Variants in GMDS observed in about 807,000 individuals in gnomAD.
GMDS encodes the protein GDP-mannose 4,6 dehydratase.
GMDS carries 20 observed loss-of-function variants against 49.9 expected under a neutral mutation model. The observed-to-expected ratio is 0.40, with a 90% confidence interval of 0.28 to 0.58. The LOEUF (loss-of-function observed/expected upper bound fraction) is 0.58. Ranked by LOEUF, GMDS falls within the 20% of genes least tolerant of loss-of-function variation. GMDS has a pLI of 0.42. For synonymous variants in GMDS, 177 were observed against 178.6 expected, an observed-to-expected ratio of 0.99 and a Z score of 0.07; for missense variants, 362 against 481.4, an observed-to-expected ratio of 0.75 and a Z score of 2.32.
intron 7 of GMDS, among the ~76,000 whole-genome samples, chr6:1,835,005 T>G (rs1442758214): frequency 6.6e-6 from 1 of 152,240 alleles, no homozygotes; most frequent in Non-Finnish European, 1.5e-5. Context: ...ACATGATAGA[T>G]TTACCACAGT....
At chr6:1,861,546 G>A (rs1758181591) in intron 7 of GMDS, among the ~76,000 whole-genome samples, 1 of 151,436 alleles carries the variant, frequency 6.6e-6, no homozygotes, top group Admixed American at 6.6e-5. Context: ...TAACCAGGCT[G>A]AGCAGATTCC....
intron 6 of GMDS, among the ~76,000 whole-genome samples, chr6:1,942,731 C>T (rs1762878024): frequency 6.6e-6 from 1 of 152,236 alleles, no homozygotes; most frequent in Non-Finnish European, 1.5e-5. Context: ...CTGGTTCCAG[C>T]TGTCCCTGAA....
At chr6:1,966,386 A>AC (rs398000171) in intron 4 of GMDS, among the ~76,000 whole-genome samples, 1 of 151,018 alleles carries the variant, frequency 6.6e-6, no homozygotes, top group Admixed American at 6.6e-5. Context: ...AAAAAAAAAA[A>AC]CCAAGCCTAC....
chr6:2,224,965 T>C (rs1780752267), intron 1 of GMDS, among the ~76,000 whole-genome samples: 1 of 152,072 alleles, frequency 6.6e-6, no homozygotes. Context: ...AACTGAGAAC[T>C]GGCAGAGAGG....
intron 4 of GMDS, among the ~76,000 whole-genome samples, chr6:2,009,671 C>T (rs1767424836): frequency 6.6e-6 from 1 of 152,052 alleles, no homozygotes; most frequent in African/African-American, 2.4e-5. Flanking sequence ...GAACCCAAAA[C>T]ATCAGGAACA....
chr6:2,196,787 T>C (rs923082956), intron 1 of GMDS, among the ~76,000 whole-genome samples: 1 of 152,100 alleles, frequency 6.6e-6, no homozygotes, highest in Non-Finnish European at 1.5e-5. Flanking sequence ...CCAATCTTTG[T>C]GACTCTGACT....
At chr6:2,135,555 C>CTTTTTTTTTTTTTTTTTTTT in intron 1 of GMDS, among the ~76,000 whole-genome samples, 1 of 152,026 alleles carries the variant, frequency 6.6e-6, no homozygotes, top group Non-Finnish European at 1.5e-5. Context: ...ATTTGAGTTT[C>CTTTTTTTTTTTTTTTTTTTT]TATAATCTAG....
chr6:2,169,095 C>T (rs1777813036), intron 1 of GMDS, among the ~76,000 whole-genome samples: 1 of 152,102 alleles, frequency 6.6e-6, no homozygotes, highest in Non-Finnish European at 1.5e-5. Flanking sequence ...GGAAAAAAAA[C>T]TAAAATTCTC....
intron 7 of GMDS, among the ~76,000 whole-genome samples, chr6:1,790,357 C>T (rs1351648903): frequency 1.3e-5 from 2 of 152,158 alleles, no homozygotes; most frequent in East Asian, 1.9e-4. Context: ...TTACCACAGC[C>T]CAGTAGGGCA....
intron 1 of GMDS, among the ~76,000 whole-genome samples, chr6:2,200,846 G>A (rs1779489969): frequency 6.9e-6 from 1 of 145,190 alleles, no homozygotes; most frequent in Non-Finnish European, 1.5e-5. Context: ...AGGCAGTGAG[G>A]GCAGCATGTT....
rs1756783698 is a variant in GMDS, at chr6:1,833,636, A to G, written c.772-91050T>C. 6.6e-6 allele frequency among the ~76,000 whole-genome samples: 1 copy of G among 152,202 alleles called. No homozygotes were observed. The highest frequency in any genetic ancestry group is 1.5e-5 in the Non-Finnish European group (1 of 68,038). The stretch of plus-strand genomic sequence containing the variant: ...CATGACAAGTCTTTGTGCAGAAAAC[A>G]AAACTTCACACCCCACACATATTTT... On this transcript the variant is annotated intron_variant, in intron 7 of 10. Coordinates refer to ENST00000380815, the MANE Select transcript of GMDS (RefSeq NM_001500.4). This position sits in a 1 kb window ranked among gnomAD's most constrained non-coding sequence, Gnocchi z 4.4.
intron 4 of GMDS, among the ~76,000 whole-genome samples, chr6:2,004,523 A>G (rs1767034820): frequency 6.6e-6 from 1 of 152,208 alleles, no homozygotes; most frequent in African/African-American, 2.4e-5. Flanking sequence ...TCCAGATGAT[A>G]CCAGATATTA....
intron 4 of GMDS, among the ~76,000 whole-genome samples, chr6:2,010,269 G>A (rs1767473991): frequency 6.6e-6 from 1 of 151,252 alleles, no homozygotes; most frequent in South Asian, 2.1e-4. Context: ...AGAGGTTGCA[G>A]GGAGCCGAGA....
intron 1 of GMDS, among the ~76,000 whole-genome samples, chr6:2,232,118 G>A (rs1222835970): frequency 6.6e-6 from 1 of 150,968 alleles, no homozygotes; most frequent in Non-Finnish European, 1.5e-5. Context: ...TCTTTATTCT[G>A]GGAGCATGTT....
chr6:1,669,640 C>A (rs1246216298), intron 9 of GMDS, among the ~76,000 whole-genome samples: 2 of 152,126 alleles, frequency 1.3e-5, no homozygotes, highest in African/African-American at 4.8e-5. Flanking sequence ...CAGCTGGGTA[C>A]AGTGGCTCAT....
intron 7 of GMDS, among the ~76,000 whole-genome samples, chr6:1,928,013 A>C (rs1042860296): frequency 6.6e-6 from 1 of 152,204 alleles, no homozygotes; most frequent in African/African-American, 2.4e-5. Flanking sequence ...CAAAATAATA[A>C]AATTGAATGA....
intron 9 of GMDS, among the ~76,000 whole-genome samples, chr6:1,711,891 C>A (rs1765979342): frequency 6.6e-6 from 1 of 152,194 alleles, no homozygotes; most frequent in African/African-American, 2.4e-5. Flanking sequence ...CGAGCACCAG[C>A]CAAACGGTGG....
intron 9 of GMDS, among the ~76,000 whole-genome samples, chr6:1,708,568 C>G (rs9503015): frequency 0.45 from 68,153 of 152,194 alleles, 15,896 homozygotes; most frequent in African/African-American, 0.59. Context: ...ATAACTGGTG[C>G]ATCAAATGGT....
chr6:1,698,226 T>G (rs1463218191), intron 9 of GMDS, among the ~76,000 whole-genome samples: 1 of 152,032 alleles, frequency 6.6e-6, no homozygotes, highest in African/African-American at 2.4e-5. Flanking sequence ...TACTTTAGCT[T>G]TGTGTGTATC....
Sources: allele counts gnomAD v4.1 joint callset (sites outside exome capture counted in the v4.1 genomes callset), GRCh38; gene constraint gnomAD v4.1.1; non-coding constraint Gnocchi (gnomAD v3.1); transcripts MANE v1.5; gene names NCBI Gene and HGNC (gene_info 2026-07-23, HGNC 2026-07-21).